The following COL24A1 variants were observed in gnomAD, a reference collection of about 807,000 sequenced individuals.
COL24A1 encodes collagen alpha-1(XXIV) chain.
COL24A1 carries 224 observed loss-of-function variants against 253.9 expected under a neutral mutation model. That is an observed-to-expected ratio of 0.88 (90% confidence interval 0.79 to 0.99). The LOEUF is 0.99. Ranked by LOEUF, COL24A1 falls within the 50% of genes least tolerant of loss-of-function variation. The pLI, the probability that COL24A1 is intolerant of heterozygous loss-of-function variation, is 0.00. For missense variants in COL24A1, 2,131 were observed against 2,068.5 expected (o/e 1.03, Z -0.59); for synonymous variants, 685 against 673.7 (o/e 1.02, Z -0.26).
At chr1:85,905,768 T>C (rs1684759208) in intron 28 of COL24A1, among the ~76,000 whole-genome samples, 1 of 152,096 alleles carries the variant, frequency 6.6e-6, no homozygotes, top group Non-Finnish European at 1.5e-5. Context: ...ACTTTCCATA[T>C]GACTTAATGA....
intron 43 of COL24A1, among the ~76,000 whole-genome samples, chr1:85,832,838 G>T (rs928109699): frequency 1.2e-4 from 18 of 150,554 alleles, no homozygotes; most frequent in African/African-American, 4.5e-4. Context: ...CGAGACAATG[G>T]GGTTTTCTAG....
chr1:85,739,326 G>A (rs978270445), intron 57 of COL24A1, among the ~76,000 whole-genome samples: 10 of 152,230 alleles, frequency 6.6e-5, no homozygotes, highest in African/African-American at 2.4e-4. Flanking sequence ...TTGAATTCAG[G>A]TGTTATATTC....
Position 86,050,179 on chromosome 1 carries a change from T to C in COL24A1, c.1852-2A>G. ...TTCTCCAGGAGAGCCAATAAAACCC[T>C]TAAAACAAGAAAATAGTCTGTATAT... On this transcript the variant is annotated splice_acceptor_variant, in intron 10 of 59. Transcript: ENST00000370571. LOFTEE classifies it high-confidence loss of function. 6.2e-7 allele frequency: 1 copy of C among 1,612,970 alleles called. No individual in the cohort carries two copies. The highest frequency in any genetic ancestry group is 8.5e-7 in the Non-Finnish European group (1 of 1,179,084).
At chr1:85,856,204 T>G (rs1678423255) in intron 37 of COL24A1, among the ~76,000 whole-genome samples, 1 of 152,206 alleles carries the variant, frequency 6.6e-6, no homozygotes, top group Non-Finnish European at 1.5e-5. Context: ...TTTGTTCAGT[T>G]CAGCTTTGAT....
intron 53 of COL24A1, among the ~76,000 whole-genome samples, chr1:85,772,563 T>A (rs773184142): frequency 3.5e-4 from 54 of 152,156 alleles, no homozygotes; most frequent in Admixed American, 1.7e-3. Flanking sequence ...ATCGCCATTC[T>A]AACTGGTGTG....
rs147629668 is a variant in COL24A1 at position 85,889,007 on chromosome 1, C to T, written c.2976+553G>A. Among the ~76,000 whole-genome samples the T allele has an allele frequency of 2.5e-4, 38 of 152,200 alleles. 1 individual carries two copies. In the East Asian group the frequency reaches 6.4e-3, roughly 25 times the overall value. ...ATAAATTGTAAGAAAGTAGGTGTGACAGGTCTTTCCTTTTCACAACGTACC... is the reference window on the plus strand; with the variant it reads ...ATAAATTGTAAGAAAGTAGGTGTGATAGGTCTTTCCTTTTCACAACGTACC... On this transcript the variant is annotated intron_variant, in intron 32 of 59. Transcript: ENST00000370571.
chr1:85,810,070 C>G (rs1005163715), intron 47 of COL24A1, among the ~76,000 whole-genome samples: 2 of 112,268 alleles, frequency 1.8e-5, no homozygotes, highest in African/African-American at 3.4e-5. Context: ...CAAGAACTGG[C>G]TATGACCCCT....
chr1:85,926,616 A>G (rs1019058212), intron 24 of COL24A1, among the ~76,000 whole-genome samples: 2 of 151,440 alleles, frequency 1.3e-5, no homozygotes, highest in African/African-American at 2.4e-5. Flanking sequence ...GAATTGAACA[A>G]TGAGTACACT....
intron 31 of COL24A1, among the ~76,000 whole-genome samples, chr1:85,893,745 T>C (rs112893074): frequency 0.03 from 4,556 of 152,212 alleles, 114 homozygotes; most frequent in Non-Finnish European, 0.044. Context: ...TTATGAAAAT[T>C]TAGAGATGGA....
At chr1:86,030,430 C>T (rs645271) in intron 14 of COL24A1, 50,126 of 152,176 alleles carry the variant, frequency 0.33, 8,935 homozygotes, top group African/African-American at 0.44. Flanking sequence ...GACTGCCTAC[C>T]CCCAACACTG....
At chr1:85,876,303 T>C (rs1349773079) in intron 33 of COL24A1, among the ~76,000 whole-genome samples, 5 of 151,136 alleles carry the variant, frequency 3.3e-5, no homozygotes, top group African/African-American at 1.2e-4. Flanking sequence ...TTGAGAGGAT[T>C]AGGTAGAAGA....
At chr1:85,804,512 CA>C (rs1247163020) in intron 47 of COL24A1, among the ~76,000 whole-genome samples, 1 of 152,120 alleles carries the variant, frequency 6.6e-6, no homozygotes, top group East Asian at 1.9e-4. Flanking sequence ...GGGCAATTTA[CA>C]AAAGAAAGAG....
chr1:85,997,041 A>ATGTGTGTGTGTG (rs1212886965), intron 19 of COL24A1, among the ~76,000 whole-genome samples: 2,972 of 81,092 alleles, frequency 0.037, 267 homozygotes, highest in East Asian at 0.15. Flanking sequence ...ATATATATAT[A>ATGTGTGTGTGTG]TGTGTGTGTG....
At chr1:86,119,572 C>T (rs959483089) in intron 3 of COL24A1, among the ~76,000 whole-genome samples, 17 of 152,016 alleles carry the variant, frequency 1.1e-4, no homozygotes, top group Non-Finnish European at 1.9e-4. Flanking sequence ...CAAAGGGTTT[C>T]GCAACAAATT....
intron 12 of COL24A1, among the ~76,000 whole-genome samples, 159 bp from the exon 13 acceptor site, chr1:86,034,082 A>G (rs1192797532): frequency 3.3e-5 from 5 of 152,184 alleles, no homozygotes; most frequent in Non-Finnish European, 5.9e-5. Context: ...TTGATTTTAA[A>G]TACAATATTT....
chr1:85,809,770 C>CAT (rs1472522897), intron 47 of COL24A1, among the ~76,000 whole-genome samples: 6 of 147,484 alleles, frequency 4.1e-5, no homozygotes, highest in Non-Finnish European at 3.0e-5. Flanking sequence ...TACACACACA[C>CAT]ATATATATAG....
chr1:85,945,200 G>A (rs1477199179), intron 24 of COL24A1, among the ~76,000 whole-genome samples: 2 of 150,702 alleles, frequency 1.3e-5, no homozygotes, highest in Admixed American at 1.3e-4. Flanking sequence ...TGTATTTTTA[G>A]TAGAGATGGG....
intron 14 of COL24A1, among the ~76,000 whole-genome samples, chr1:86,031,523 T>C (rs989015219): frequency 6.6e-6 from 1 of 152,200 alleles, no homozygotes; most frequent in Non-Finnish European, 1.5e-5. Flanking sequence ...ACAGCTATTA[T>C]GTATTGAAAA....
intron 37 of COL24A1, among the ~76,000 whole-genome samples, chr1:85,851,240 ACTT>A (rs1428686817): frequency 6.6e-6 from 1 of 152,022 alleles, no homozygotes; most frequent in Non-Finnish European, 1.5e-5. Context: ...TTCTCCTGAA[ACTT>A]CTTTTTAACA....
Sources: allele counts gnomAD v4.1 joint callset (sites outside exome capture counted in the v4.1 genomes callset), GRCh38; gene constraint gnomAD v4.1.1; transcripts MANE v1.5; gene names NCBI Gene and HGNC (gene_info 2026-07-23, HGNC 2026-07-21).